SPART: variants seen among roughly 807,000 people sequenced by gnomAD.
The protein encoded by SPART is spastic paraplegia 20 (Troyer syndrome).
A neutral mutation model predicts 58.7 loss-of-function variants in SPART; 35 were observed. The observed-to-expected ratio is 0.60, with a 90% CI of 0.46 to 0.79. The LOEUF (loss-of-function observed/expected upper bound fraction) is 0.79. Among genes scored for constraint, SPART ranks in the 30% least tolerant of loss-of-function variants. The probability of loss-of-function intolerance (pLI) is 0.00; values close to 1 mark genes in which losing one functional copy is unlikely to be tolerated. For missense variants in SPART, 730 were observed against 786.1 expected, an observed-to-expected ratio of 0.93 and a Z score of 0.85; for synonymous variants, 284 against 280.7, an observed-to-expected ratio of 1.01 and a Z score of -0.12.
intron 1 of SPART, among the ~76,000 whole-genome samples, chr13:36,366,782 G>A (rs1471812397): frequency 7.9e-6 from 1 of 127,040 alleles, no homozygotes; most frequent in Non-Finnish European, 1.6e-5. Flanking sequence ...CACCCTACGT[G>A]TATCTGTGTC....
intron 1 of SPART, among the ~76,000 whole-genome samples, chr13:36,366,578 T>C (rs781167466): frequency 4.6e-5 from 7 of 152,214 alleles, no homozygotes; most frequent in Non-Finnish European, 8.8e-5. Context: ...ACTTTTCAGT[T>C]GAAATTTCGA....
At position 36,304,106 on chromosome 13, in the gene SPART, T is replaced by C; in HGVS notation, c.*259A>G. On this transcript the variant is annotated 3_prime_UTR_variant, in exon 9 of 9. Transcript: ENST00000438666. The stretch of plus-strand genomic sequence containing the variant: ...AACACATGTACTATCAGCTTTATTT[T>C]ACCTGCAAAAATATTTTAGCTACAC... 1.9e-6 allele frequency: 1 copy of C among 530,020 alleles called. No individual in the cohort carries two copies. The highest frequency in any genetic ancestry group is 3.4e-6 in the Non-Finnish European group (1 of 298,082). 32.8% of individuals were successfully genotyped at this position (530,020 alleles called of 1,614,324 possible).
In SPART at chr13:36,335,306, A is replaced by G; in HGVS notation, c.525T>C (p.Thr175=). 1 of 1,613,982 alleles carries G rather than the reference A, an allele frequency of 6.2e-7. No individual in the cohort carries two copies. The highest frequency in any genetic ancestry group is 8.5e-7 in the Non-Finnish European group (1 of 1,179,928). Residue 175 remains threonine, a synonymous_variant, in exon 2 of 9, where the codon ACT becomes ACC. Transcript: ENST00000438666. ...SCPAEAPPAY[T]PQAAEGHYTV... is the part of the protein sequence containing the mutation. ...TGTAGTGACCTTCAGCAGCTTGAGG[A>G]GTATAAGCAGGAGGAGCTTCTGCTG...
intron 1 of SPART, among the ~76,000 whole-genome samples, chr13:36,344,656 A>T (rs1258162362): frequency 6.6e-6 from 1 of 152,220 alleles, no homozygotes; most frequent in Non-Finnish European, 1.5e-5. Flanking sequence ...TACAGAAATA[A>T]GGATTGGAGG....
rs771860228 is a variant in SPART, at chr13:36,326,533, C to T, written c.1288+42G>A. On this transcript the variant is annotated intron_variant, in intron 5 of 8. Coordinates refer to ENST00000438666, the MANE Select transcript of SPART (RefSeq NM_015087.5). ...CAATATCTTTATTTGGTTCCAAAGG[C>T]TTAATGTCATACAGGGAAAAAAATT... The T allele has an allele frequency of 9.3e-6, 15 of 1,610,556 alleles. No homozygotes were observed. In the East Asian group the frequency reaches 1.1e-4, roughly 12 times the overall value.
At chr13:36,360,812 A>G (rs1348402291) in intron 1 of SPART, 2 of 152,576 alleles carry the variant, frequency 1.3e-5, no homozygotes, top group Non-Finnish European at 2.9e-5. Flanking sequence ...TTATATTGCT[A>G]TGTTAGAGTG....
rs886050132 is a variant in SPART, at chr13:36,302,571, T to C, written c.*1794A>G. ...TGACCTCTGGTCAAAGCTAACTGTT[T>C]AAAGTTTATGTTCCATTATTTGCCA... On this transcript the variant is annotated 3_prime_UTR_variant, in exon 9 of 9. Transcript: ENST00000438666. 7 of 152,228 alleles carry C rather than the reference T, an allele frequency of 4.6e-5. No individual in the cohort carries two copies. The East Asian group carries it at 1.3e-3, about 29-fold the overall frequency. The allele number at this position is 152,228 out of a possible 1,614,324, so 9.4% of individuals were successfully genotyped here.
rs963353528 is a variant in SPART at position 36,303,210 on chromosome 13, G to C, written c.*1155C>G. The C allele has an allele frequency of 6.6e-6, 1 of 152,088 alleles. No individual in the cohort carries two copies. Among genetic ancestry groups the C allele is most frequent in the Non-Finnish European group, 1.5e-5 (1 of 68,012 alleles). 9.4% of individuals were successfully genotyped at this position (152,088 alleles called of 1,614,324 possible). A position where few individuals can be genotyped will look rare whatever the true frequency, so the allele number is the denominator to read the frequency against. On this transcript the variant is annotated 3_prime_UTR_variant, in exon 9 of 9. Transcript: ENST00000438666. Reference sequence around the variant, plus strand: ...GCTTCAAATAATGTCTAATTAAGTAGCCACTAGAAGATCAGAAATTATTAG... The same window carrying C: ...GCTTCAAATAATGTCTAATTAAGTACCCACTAGAAGATCAGAAATTATTAG...
chr13:36,333,256 A>G (rs1350060417), intron 2 of SPART, among the ~76,000 whole-genome samples: 1 of 152,136 alleles, frequency 6.6e-6, no homozygotes, highest in Non-Finnish European at 1.5e-5. Context: ...AGGTTTAAAA[A>G]GTATTTGGTA....
rs564266042 is a variant in SPART, at chr13:36,326,847, T to C, written c.1165-149A>G. ...CAACCTAGTTACCAGTATGGTCTTA[T>C]AAAGTACAATACCAGAACTGCCATG... is the stretch of plus-strand genomic sequence containing the variant. On this transcript the variant is annotated intron_variant, in intron 4 of 8. Transcript: ENST00000438666. 478 of 813,108 alleles carry C rather than the reference T, an allele frequency of 5.9e-4. No individual in the cohort carries two copies. The African/African-American group carries it at 7.5e-3, about 13-fold the overall frequency. 50.4% of individuals were successfully genotyped at this position (813,108 alleles called of 1,614,324 possible). A position where few individuals can be genotyped will look rare whatever the true frequency, so the allele number is the denominator to read the frequency against.
At chr13:36,334,946 A>T in intron 2 of SPART, 75 bp downstream of exon 2, 1 of 1,206,260 alleles carries the variant, frequency 8.3e-7, no homozygotes, top group Non-Finnish European at 1.2e-6. Flanking sequence ...TATACTGGAC[A>T]CATAAACATT....
chr13:36,351,037 C>G (rs1006636145), upstream of SPART, among the ~76,000 whole-genome samples: 1 of 152,166 alleles, frequency 6.6e-6, no homozygotes, highest in African/African-American at 2.4e-5. Context: ...TCCAAGAACC[C>G]GAGTTTGAAG....
At chr13:36,365,260 G>A (rs1355067761) in intron 1 of SPART, among the ~76,000 whole-genome samples, 1 of 152,208 alleles carries the variant, frequency 6.6e-6, no homozygotes, top group Non-Finnish European at 1.5e-5. Flanking sequence ...AAATTATACA[G>A]TGCAAAGAAT....
At chr13:36,344,377 T>C (rs1884857746) in intron 1 of SPART, among the ~76,000 whole-genome samples, 1 of 152,058 alleles carries the variant, frequency 6.6e-6, no homozygotes, top group Non-Finnish European at 1.5e-5. Flanking sequence ...GAAAGAAGAG[T>C]GTGCCTGTGT....
intron 1 of SPART, among the ~76,000 whole-genome samples, chr13:36,338,400 G>A (rs1350631608): frequency 6.6e-6 from 1 of 152,128 alleles, no homozygotes; most frequent in African/African-American, 2.4e-5. Flanking sequence ...CTGTCAGTGG[G>A]AAAATCAGAG....
At chr13:36,354,531 A>G (rs920599873) in intron 1 of SPART, among the ~76,000 whole-genome samples, 1 of 152,226 alleles carries the variant, frequency 6.6e-6, no homozygotes, top group Non-Finnish European at 1.5e-5. Flanking sequence ...AGCATCCCTG[A>G]TTAATAACAC....
At chr13:36,320,750 C>G (rs1465537214) in intron 5 of SPART, among the ~76,000 whole-genome samples, 1 of 152,148 alleles carries the variant, frequency 6.6e-6, no homozygotes, top group Non-Finnish European at 1.5e-5. Flanking sequence ...TAGGTAGAGT[C>G]CTTTCCTACA....
intron 2 of SPART, among the ~76,000 whole-genome samples, chr13:36,333,525 A>G (rs924864793): frequency 6.6e-6 from 1 of 151,730 alleles, no homozygotes; most frequent in Admixed American, 6.6e-5. Flanking sequence ...CAAGCAAATG[A>G]GAACCTCTTA....
intron 1 of SPART, among the ~76,000 whole-genome samples, chr13:36,362,362 A>AC (rs1475187279): frequency 2.6e-5 from 4 of 151,534 alleles, no homozygotes; most frequent in East Asian, 1.9e-4. Context: ...CAAAAAAAAA[A>AC]AAAAATACCC....
Sources: allele counts gnomAD v4.1 joint callset (sites outside exome capture counted in the v4.1 genomes callset), GRCh38; gene constraint gnomAD v4.1.1; transcripts MANE v1.5; gene names NCBI Gene and HGNC (gene_info 2026-07-23, HGNC 2026-07-21).